MADD: variants seen among roughly 807,000 people sequenced by gnomAD.
The protein encoded by MADD is MAP kinase-activating death domain protein.
In MADD, 109 loss-of-function variants were observed where a neutral mutation model predicts 176.7. The observed-to-expected ratio is 0.62, with a 90% CI of 0.53 to 0.72. The LOEUF (loss-of-function observed/expected upper bound fraction) is 0.72. MADD is among the 30% of genes least tolerant of loss of function. MADD has a pLI of 0.00. For synonymous variants in MADD, 771 were observed against 771.3 expected, an observed-to-expected ratio of 1.00 and a Z score of 0.01; for missense variants, 1,914 against 2,045.5, an observed-to-expected ratio of 0.94 and a Z score of 1.24.
chr11:47,326,893 GAGA>G (rs1051213054), intron 31 of MADD, 86 bp downstream of exon 35: 87 of 1,576,588 alleles, frequency 5.5e-5, no homozygotes, highest in East Asian at 4.7e-4. Context: ...TAGGGGCAGG[GAGA>G]AGAAGAACCT....
At chr11:47,316,241 C>G (rs1028723477) in intron 27 of MADD, among the ~76,000 whole-genome samples, 7 of 152,134 alleles carry the variant, frequency 4.6e-5, no homozygotes, top group African/African-American at 1.7e-4. Context: ...ATCAGAATAA[C>G]AGAAAATAGT....
intron 1 of MADD, chr11:47,270,689 T>C (rs1960979599): frequency 6.6e-6 from 1 of 152,182 alleles, no homozygotes. Context: ...ACTTGATATT[T>C]CAAAATTGAC....
chr11:47,320,900 G>A (rs1160012043), intron 27 of MADD, among the ~76,000 whole-genome samples: 1 of 152,094 alleles, frequency 6.6e-6, no homozygotes, highest in Non-Finnish European at 1.5e-5. Flanking sequence ...CATCCTGGGT[G>A]ACAGAGCAAA....
At chr11:47,289,654 C>G (rs2063535245) in intron 16 of MADD, among the ~76,000 whole-genome samples, 161 bp downstream of exon 17, 1 of 152,186 alleles carries the variant, frequency 6.6e-6, no homozygotes, top group African/African-American at 2.4e-5. Flanking sequence ...CTCCATGCAA[C>G]TGAAAGCTTA....
exon 3 of MADD, chr11:47,274,902 G>T: frequency 2.5e-6 from 4 of 1,613,906 alleles, no homozygotes; most frequent in Non-Finnish European, 3.4e-6. Flanking sequence ...GTGGCACTGA[G>T]AGCTCAGAGA....
intron 20 of MADD, among the ~76,000 whole-genome samples, chr11:47,294,721 CTAA>C (rs984773623): frequency 7.4e-5 from 10 of 135,470 alleles, no homozygotes; most frequent in African/African-American, 2.7e-4. Context: ...ATATAAATAA[CTAA>C]TGATAAGGGA....
chr11:47,323,126 T>C (rs772519992), intron 27 of MADD, among the ~76,000 whole-genome samples: 32 of 151,610 alleles, frequency 2.1e-4, no homozygotes, highest in Non-Finnish European at 4.4e-4. Context: ...TAATCTCAGC[T>C]ACTCGGGAGG....
intron 26 of MADD, 38 bp from the exon 30 acceptor site, chr11:47,315,182 G>A (rs2092365299): frequency 1.6e-6 from 2 of 1,250,154 alleles, no homozygotes; most frequent in African/African-American, 1.5e-5. Flanking sequence ...CTCTGAGAGG[G>A]ATGTATGACT....
exon 29 of MADD, chr11:47,324,313 G>A (rs2095097301): frequency 3.7e-6 from 6 of 1,614,172 alleles, no homozygotes; most frequent in Admixed American, 3.3e-5. Flanking sequence ...GCGCGCTGCC[G>A]CCCGACAGCA....
At chr11:47,293,936 T>A (rs1210690749) in exon 20 of MADD, 1 of 1,614,038 alleles carries the variant, frequency 6.2e-7, no homozygotes, top group Non-Finnish European at 8.5e-7. Flanking sequence ...GGAGAAAAAG[T>A]CCCAGATCAG....
chr11:47,295,867 CTG>C lies in MADD; in HGVS notation c.3484-28_3484-27del, dbSNP rs2071152517. 4 of 1,592,836 alleles carry C rather than the reference CTG, an allele frequency of 2.5e-6. No homozygotes were observed. In the African/African-American group the frequency reaches 4.0e-5, roughly 16 times the overall value. On this transcript the variant is annotated intron_variant, in intron 21 of 32. Coordinates refer to ENST00000402192, the Ensembl canonical transcript of MADD. ...TATTTCTGGGGCCCATCCCTGGGGACTGTCTCTTACTACCTTTTTTCCTTTCC... is the reference window on the plus strand; with the variant it reads ...TATTTCTGGGGCCCATCCCTGGGGACTCTCTTACTACCTTTTTTCCTTTCC...
chr11:47,285,375 A>G (rs1308230317), intron 13 of MADD, 76 bp from the exon 14 acceptor site: 2 of 1,596,146 alleles, frequency 1.3e-6, no homozygotes, highest in African/African-American at 1.3e-5. Flanking sequence ...CAACTGTAGT[A>G]TAGCATAATT....
rs1210468241 is a variant in MADD, at chr11:47,323,985, C to T, written c.4362+150C>T. ...GTGGAGTACCTAAAGCTGTCTCTGT[C>T]AAGCCAACTAGGCCTAATAGTAGTC... On this transcript the variant is annotated intron_variant, in intron 28 of 32. Transcript: ENST00000402192. The T allele has an allele frequency of 1.9e-5, 16 of 831,080 alleles. No homozygotes were observed. In the Admixed American group the frequency reaches 4.1e-4, roughly 21 times the overall value. The allele number at this position is 831,080 out of a possible 1,614,324, so 51.5% of individuals were successfully genotyped here.
chr11:47,281,671 A>G, exon 8 of MADD: 7 of 1,613,816 alleles, frequency 4.3e-6, no homozygotes, highest in Non-Finnish European at 5.9e-6. Context: ...AAGGCCTTCT[A>G]ATGACCTGCA....
Position 47,295,591 on chromosome 11 carries a change from C to T in MADD, c.3483+15C>T, listed in dbSNP as rs1422398845. On this transcript the variant is annotated intron_variant, in intron 21 of 32. Transcript: ENST00000402192. ...AAGTTAGCACCGTGGTAGGGGAACA[C>T]CACACTGGCATCTTGGTGGGTGGGG... The T allele has an allele frequency of 1.2e-6, 2 of 1,614,038 alleles. No homozygotes were observed. Among genetic ancestry groups the T allele is most frequent in the Admixed American group, 1.7e-5 (1 of 60,008 alleles).
intron 27 of MADD, among the ~76,000 whole-genome samples, chr11:47,316,171 G>A (rs7108414): frequency 6.9e-5 from 4 of 57,820 alleles, no homozygotes; most frequent in East Asian, 2.0e-3. Context: ...GCACACACAC[G>A]CGCACACACA....
chr11:47,295,284 C>CTACAG (rs2070252020), intron 20 of MADD, among the ~76,000 whole-genome samples: 1 of 152,070 alleles, frequency 6.6e-6, no homozygotes, highest in African/African-American at 2.4e-5. Context: ...AGTGCTAGGA[C>CTACAG]TACAGGCGTG....
chr11:47,319,288 C>T (rs181826634), intron 27 of MADD, among the ~76,000 whole-genome samples: 1 of 151,894 alleles, frequency 6.6e-6, no homozygotes, highest in African/African-American at 2.4e-5. Flanking sequence ...CGCATCACCA[C>T]GCTTGGCTAA....
chr11:47,317,774 C>CTT (rs11305920), intron 27 of MADD, among the ~76,000 whole-genome samples: 2 of 145,826 alleles, frequency 1.4e-5, no homozygotes, highest in African/African-American at 2.5e-5. Flanking sequence ...TTGTATATAA[C>CTT]TTTTTTTTTT....
Sources: gnomAD v4.1 joint callset for allele counts (sites outside exome capture counted in the v4.1 genomes callset) on GRCh38, gnomAD v4.1.1 for gene constraint, MANE v1.5 for transcripts, NCBI Gene and HGNC (gene_info 2026-07-23, HGNC 2026-07-21) for gene names.